Variants in RSPRY1 observed in about 807,000 individuals in gnomAD.
The protein encoded by RSPRY1 is ring finger and SPRY domain containing 1, also known as RING finger and SPRY domain-containing protein 1.
In RSPRY1, 23 loss-of-function variants were observed where a neutral mutation model predicts 73.1. The ratio of observed to expected loss-of-function variants is 0.31; its 90% CI spans 0.23 to 0.45. The LOEUF (loss-of-function observed/expected upper bound fraction) is 0.45, where lower values mean the gene tolerates loss of function less well. Among genes scored for constraint, RSPRY1 ranks in the 20% least tolerant of loss-of-function variants. RSPRY1 has a pLI of 1.00. For synonymous variants in RSPRY1, 226 were observed against 251.4 expected (o/e 0.90, Z 0.95); for missense variants, 448 against 698.7 (o/e 0.64, Z 4.05).
chr16:57,186,177 C>T, upstream of RSPRY1: 2 of 985,732 alleles, frequency 2.0e-6, no homozygotes, highest in Non-Finnish European at 2.4e-6. Flanking sequence ...TGAGGACTGG[C>T]CAGTCTGCGC....
intron 1 of RSPRY1, among the ~76,000 whole-genome samples, chr16:57,187,275 T>C (rs2074238876): frequency 6.6e-6 from 1 of 152,096 alleles, no homozygotes; most frequent in Non-Finnish European, 1.5e-5. Flanking sequence ...GAGTCCAAAT[T>C]AGGCATTTGT....
rs112596141 is a variant in RSPRY1, at chr16:57,209,046, A to T, written c.404-29A>T. ...TTCACATTTTAAAAATAGTGACTCC[A>T]TCATATAATCTTCTTGATTTGCTCT... On this transcript the variant is annotated intron_variant, in intron 3 of 14. Transcript: ENST00000394420. 1.9e-3 allele frequency: 2,670 copies of T among 1,396,056 alleles called. 10 individuals are homozygous for T. The highest frequency in any genetic ancestry group is 5.4e-3 in the South Asian group (446 of 83,110). The allele number at this position is 1,396,056 out of a possible 1,614,324, so 86.5% of individuals were successfully genotyped here. A position where few individuals can be genotyped will look rare whatever the true frequency, so the allele number is the denominator to read the frequency against.
chr16:57,236,794 A>G (rs1382159070), intron 14 of RSPRY1, among the ~76,000 whole-genome samples: 15 of 152,218 alleles, frequency 9.9e-5, no homozygotes, highest in African/African-American at 3.6e-4. Context: ...TAAAACTCCC[A>G]AATAAAATAT....
In RSPRY1 at chr16:57,240,229, CCTT is replaced by C. The variant is rs1362743911; in HGVS notation, c.*1258_*1260del. On this transcript the variant is annotated 3_prime_UTR_variant, in exon 15 of 15. Coordinates refer to ENST00000394420, the MANE Select transcript of RSPRY1 (RefSeq NM_133368.3). ...CATTTTTTTTTCTTCTTTTTCCACC[CCTT>C]CTTGTTTGTAGTTCATTATACCTGT... is the stretch of plus-strand genomic sequence containing the variant. The C allele has an allele frequency of 1.3e-5, 2 of 151,836 alleles. No individual in the cohort carries two copies. Among genetic ancestry groups the C allele is most frequent in the African/African-American group, 4.8e-5 (2 of 41,334 alleles). 9.4% of individuals were successfully genotyped at this position (151,836 alleles called of 1,614,324 possible). A position where few individuals can be genotyped will look rare whatever the true frequency, so the allele number is the denominator to read the frequency against.
intron 4 of RSPRY1, among the ~76,000 whole-genome samples, chr16:57,212,051 C>A (rs2074853398): frequency 6.6e-6 from 1 of 152,168 alleles, no homozygotes; most frequent in South Asian, 2.1e-4. Context: ...GTGGTTCATG[C>A]CTATAATCCC....
At chr16:57,220,571 A>G (rs2075018487) in intron 8 of RSPRY1, 161 bp from the exon 9 acceptor site, 4 of 429,968 alleles carry the variant, frequency 9.3e-6, no homozygotes, top group Admixed American at 3.6e-5. Flanking sequence ...TTTCCTAAAT[A>G]TAAGATCATA....
intron 1 of RSPRY1, among the ~76,000 whole-genome samples, chr16:57,192,820 C>A (rs1310709335): frequency 2.0e-5 from 3 of 151,792 alleles, no homozygotes; most frequent in Non-Finnish European, 4.4e-5. Flanking sequence ...ATCCTCCCAC[C>A]CCTCACTCCC....
chr16:57,201,679 G>C (rs1166138159), intron 1 of RSPRY1, among the ~76,000 whole-genome samples: 1 of 152,232 alleles, frequency 6.6e-6, no homozygotes, highest in Non-Finnish European at 1.5e-5. Context: ...ATTGAGCACT[G>C]AGTGAACGCG....
intron 14 of RSPRY1, 101 bp downstream of exon 14, chr16:57,235,329 G>A (rs1474647272): frequency 1.3e-6 from 1 of 799,802 alleles, no homozygotes; most frequent in Non-Finnish European, 2.1e-6. Flanking sequence ...GCTGAATGAG[G>A]AACTAGAGTT....
intron 13 of RSPRY1, among the ~76,000 whole-genome samples, chr16:57,233,634 T>C (rs1246102189): frequency 1.3e-5 from 2 of 152,156 alleles, no homozygotes; most frequent in Non-Finnish European, 2.9e-5. Flanking sequence ...CCTCCCAAAG[T>C]GCTGGGATTA....
At chr16:57,206,476 A>G (rs1221833475) in intron 2 of RSPRY1, among the ~76,000 whole-genome samples, 1 of 152,226 alleles carries the variant, frequency 6.6e-6, no homozygotes, top group Non-Finnish European at 1.5e-5. Flanking sequence ...ATCCTTCCCA[A>G]ATAAGGAAGT....
intron 1 of RSPRY1, among the ~76,000 whole-genome samples, chr16:57,195,605 T>C (rs1383635488): frequency 2.0e-5 from 3 of 151,568 alleles, no homozygotes; most frequent in African/African-American, 7.3e-5. Flanking sequence ...CATCCAGTGA[T>C]AAAAATTATT....
rs141402944 is a variant in RSPRY1, at chr16:57,233,338, C to T, written c.1530-1786C>T. 8.9e-4 allele frequency among the ~76,000 whole-genome samples: 135 copies of T among 152,128 alleles called. No homozygotes were observed. The Middle Eastern group carries it at 0.01, about 11-fold the overall frequency. ...ACAAGTCATCCACTCACAGCCACTG[C>T]TTCTCCCTCAGTCTTCTCTCATCTC... is the stretch of plus-strand genomic sequence containing the variant. On this transcript the variant is annotated intron_variant, in intron 13 of 14. Transcript: ENST00000394420.
At chr16:57,228,170 G>A (rs1243939769) in intron 11 of RSPRY1, among the ~76,000 whole-genome samples, 2 of 151,826 alleles carry the variant, frequency 1.3e-5, no homozygotes, top group African/African-American at 2.4e-5. Flanking sequence ...CTACTTGGGA[G>A]GCTGAGGCAG....
intron 4 of RSPRY1, among the ~76,000 whole-genome samples, chr16:57,210,157 T>C (rs1335256305): frequency 6.6e-6 from 1 of 151,362 alleles, no homozygotes; most frequent in Non-Finnish European, 1.5e-5. Context: ...TGGCTCACTG[T>C]ATCCTCAACC....
intron 1 of RSPRY1, among the ~76,000 whole-genome samples, chr16:57,201,280 A>G (rs1330469093): frequency 5.4e-5 from 8 of 148,512 alleles, no homozygotes; most frequent in Admixed American, 3.3e-4. Flanking sequence ...CACTTCTCAG[A>G]CGGGGCGGTT....
intron 1 of RSPRY1, among the ~76,000 whole-genome samples, chr16:57,202,958 T>C (rs1186198619): frequency 1.3e-5 from 2 of 150,704 alleles, no homozygotes; most frequent in African/African-American, 2.4e-5. Flanking sequence ...GTTTTCCCTG[T>C]AGCAGTAATC....
chr16:57,195,577 C>T lies in RSPRY1; in HGVS notation c.-155-8927C>T, dbSNP rs1439367568. On this transcript the variant is annotated intron_variant, in intron 1 of 14. Transcript: ENST00000394420. ...TTGCCACTTAGGTGGTAAGAAGAGTCCTTCTACTAAGCACTGGCATCCAGT... is the reference window on the plus strand; with the variant it reads ...TTGCCACTTAGGTGGTAAGAAGAGTTCTTCTACTAAGCACTGGCATCCAGT... Among the ~76,000 whole-genome samples the T allele has an allele frequency of 6.6e-5, 10 of 151,650 alleles. No homozygotes were observed. The East Asian group carries it at 1.9e-3, about 29-fold the overall frequency.
At chr16:57,202,395 T>A (rs989767132) in intron 1 of RSPRY1, among the ~76,000 whole-genome samples, 52 of 152,202 alleles carry the variant, frequency 3.4e-4, no homozygotes, top group African/African-American at 1.2e-3. Flanking sequence ...GAAACCAGCA[T>A]AATTTATAAG....
Sources: allele counts gnomAD v4.1 joint callset (sites outside exome capture counted in the v4.1 genomes callset), GRCh38; gene constraint gnomAD v4.1.1; transcripts MANE v1.5; gene names NCBI Gene and HGNC (gene_info 2026-07-23, HGNC 2026-07-21).